Variants in RTN4 observed in about 807,000 individuals in gnomAD.
RTN4 encodes the protein reticulon 4, also known as reticulon-4.
Under a neutral mutation model 90.4 loss-of-function variants are expected in RTN4, and 32 were observed. That is an observed-to-expected ratio of 0.35 (90% CI 0.27 to 0.48). The LOEUF (loss-of-function observed/expected upper bound fraction) is 0.48. RTN4 is among the 20% of genes least tolerant of loss of function. RTN4 has a pLI of 0.99. For missense variants in RTN4, 1,706 were observed against 1,430.2 expected (o/e 1.19, Z -3.11); for synonymous variants, 629 against 552.5 (o/e 1.14, Z -1.94).
chr2:55,109,572 T>G (rs1469587304), intron 1 of RTN4, among the ~76,000 whole-genome samples: 1 of 151,914 alleles, frequency 6.6e-6, no homozygotes, highest in Non-Finnish European at 1.5e-5. Context: ...TTACTGATAC[T>G]CACTTGCTAT....
chr2:55,081,729 A>G (rs1668722633), intron 1 of RTN4, among the ~76,000 whole-genome samples: 1 of 151,952 alleles, frequency 6.6e-6, no homozygotes, highest in Non-Finnish European at 1.5e-5. Context: ...TGAGCATGAT[A>G]GTGCATGCCT....
intron 1 of RTN4, among the ~76,000 whole-genome samples, chr2:55,101,694 T>C (rs1417299466): frequency 1.3e-5 from 2 of 152,166 alleles, no homozygotes; most frequent in Non-Finnish European, 1.5e-5. Flanking sequence ...TCAACCCAAT[T>C]TCTGTCCTCA....
intron 3 of RTN4, among the ~76,000 whole-genome samples, chr2:54,993,684 C>G (rs1221153644): frequency 6.6e-6 from 1 of 152,162 alleles, no homozygotes; most frequent in Non-Finnish European, 1.5e-5. Flanking sequence ...AAGCAGGTAT[C>G]ATGACAGACA....
upstream of RTN4, among the ~76,000 whole-genome samples, chr2:55,117,608 G>A (rs7574696): frequency 9.2e-5 from 14 of 152,164 alleles, no homozygotes; most frequent in East Asian, 2.5e-3. Flanking sequence ...GGCAGCTCTG[G>A]AAAGGGCAAC....
At chr2:55,055,419 A>G (rs2104995658), upstream of RTN4, among the ~76,000 whole-genome samples, 1 of 152,332 alleles carries the variant, frequency 6.6e-6, no homozygotes, top group African/African-American at 2.4e-5. Context: ...CAATGGAGAT[A>G]GATAGAAACC....
chr2:54,997,438 A>G (rs1679518854), intron 3 of RTN4, among the ~76,000 whole-genome samples: 1 of 152,198 alleles, frequency 6.6e-6, no homozygotes, highest in African/African-American at 2.4e-5. Context: ...TGTGAAAAAC[A>G]ATTTGGCAGT....
chr2:55,054,271 ATCCAC>A (rs1668152010), upstream of RTN4, among the ~76,000 whole-genome samples: 1 of 152,130 alleles, frequency 6.6e-6, no homozygotes, highest in Non-Finnish European at 1.5e-5. Flanking sequence ...TGTGTCTGTA[ATCCAC>A]CTCTCATCTT....
At chr2:55,085,701 A>G (rs923765147) in intron 1 of RTN4, among the ~76,000 whole-genome samples, 10 of 152,216 alleles carry the variant, frequency 6.6e-5, no homozygotes, top group Non-Finnish European at 1.3e-4. Flanking sequence ...TCCTTCCCCA[A>G]TCTACATAGA....
the RTN4 span, among the ~76,000 whole-genome samples, chr2:55,121,109 T>C: frequency 3.9e-5 from 6 of 152,224 alleles, no homozygotes; most frequent in Non-Finnish European, 8.8e-5. Flanking sequence ...GCAACAGCTC[T>C]ATGTCCTGAG....
intron 3 of RTN4, among the ~76,000 whole-genome samples, chr2:54,995,447 C>G (rs1188074194): frequency 6.6e-6 from 1 of 152,098 alleles, no homozygotes; most frequent in East Asian, 1.9e-4. Flanking sequence ...CTACCACCAC[C>G]ACACAGTTCA....
At chr2:55,114,302 T>C (rs530500133), upstream of RTN4, among the ~76,000 whole-genome samples, 16 of 152,324 alleles carry the variant, frequency 1.1e-4, no homozygotes, top group East Asian at 2.9e-3. Flanking sequence ...ACTTTGCAGT[T>C]TGAAATGTGA....
At chr2:55,098,920 G>C (rs1667801278) in intron 1 of RTN4, among the ~76,000 whole-genome samples, 1 of 152,112 alleles carries the variant, frequency 6.6e-6, no homozygotes, top group Non-Finnish European at 1.5e-5. Context: ...CAAGAAACTT[G>C]GTAAGATTTG....
intron 2 of RTN4, among the ~76,000 whole-genome samples, chr2:55,063,606 C>T (rs908726753): frequency 6.6e-6 from 1 of 151,934 alleles, no homozygotes; most frequent in Non-Finnish European, 1.5e-5. Context: ...CTGGGCCCGA[C>T]GCAGTGGCTC....
At chr2:55,003,833 G>C (rs764100547) in intron 3 of RTN4, among the ~76,000 whole-genome samples, 2 of 152,102 alleles carry the variant, frequency 1.3e-5, no homozygotes. Flanking sequence ...AACAAGATGT[G>C]CGTAGGTTTT....
At chr2:55,116,912 C>T (rs1668136395), upstream of RTN4, among the ~76,000 whole-genome samples, 1 of 122,326 alleles carries the variant, frequency 8.2e-6, no homozygotes, top group Admixed American at 1.1e-4. Context: ...CTTGCTCTGT[C>T]ACCCAGGCTG....
intron 3 of RTN4, among the ~76,000 whole-genome samples, chr2:55,009,082 T>C (rs1240558078): frequency 1.3e-5 from 2 of 152,176 alleles, no homozygotes; most frequent in African/African-American, 4.8e-5. Context: ...ACATCTTTAT[T>C]GAACAAATTT....
At chr2:54,981,586 T>C (rs1678132410) in intron 5 of RTN4, among the ~76,000 whole-genome samples, 1 of 152,240 alleles carries the variant, frequency 6.6e-6, no homozygotes, top group Non-Finnish European at 1.5e-5. Flanking sequence ...ACAGGTCCAG[T>C]GCTTCAGGCT....
chr2:55,024,095 C>T (rs76448468), intron 3 of RTN4, among the ~76,000 whole-genome samples: 12,288 of 152,110 alleles, frequency 0.081, 1,603 homozygotes, highest in African/African-American at 0.27. Context: ...TTTGTATCTT[C>T]CCTCTTAAAC....
intron 1 of RTN4, among the ~76,000 whole-genome samples, chr2:55,110,121 C>A (rs1403339950): frequency 1.3e-5 from 2 of 152,114 alleles, no homozygotes. Context: ...CCAGCCTGGG[C>A]AACATGGTGA....
Sources: gnomAD v4.1 joint callset for allele counts (sites outside exome capture counted in the v4.1 genomes callset) on GRCh38, gnomAD v4.1.1 for gene constraint, MANE v1.5 for transcripts, NCBI Gene and HGNC (gene_info 2026-07-23, HGNC 2026-07-21) for gene names.